The following GRAMD1C variants were observed in gnomAD, a reference collection of about 807,000 sequenced individuals.
The protein encoded by GRAMD1C is GRAM domain containing 1C, also known as protein Aster-C.
Under a neutral mutation model 97.8 loss-of-function variants are expected in GRAMD1C, and 89 were observed. The ratio of observed to expected loss-of-function variants is 0.91; its 90% CI spans 0.77 to 1.09. The LOEUF (loss-of-function observed/expected upper bound fraction) is 1.09, where lower values mean the gene tolerates loss of function less well. GRAMD1C is among the 50% of genes least tolerant of loss of function. The pLI, the probability that GRAMD1C is intolerant of heterozygous loss-of-function variation, is 0.00. For synonymous variants in GRAMD1C, 256 were observed against 267.0 expected (o/e 0.96, Z 0.40); for missense variants, 740 against 766.4 (o/e 0.97, Z 0.41).
At chr3:113,834,630 C>G (rs892841971), upstream of GRAMD1C, among the ~76,000 whole-genome samples, 4 of 151,914 alleles carry the variant, frequency 2.6e-5, no homozygotes, top group Non-Finnish European at 4.4e-5. Flanking sequence ...AACTGAGGAT[C>G]TTTTATATTT....
At position 113,931,739 on chromosome 3, in the gene GRAMD1C, C is replaced by T. The variant is rs183109509; in HGVS notation, c.1209+907C>T. Among the ~76,000 whole-genome samples, 46 of 152,086 alleles carry T rather than the reference C, an allele frequency of 3.0e-4. No individual in the cohort carries two copies. The East Asian group carries it at 4.8e-3, about 16-fold the overall frequency. On this transcript the variant is annotated intron_variant, in intron 11 of 17. Transcript: ENST00000358160. ...AGACCACGAGTTTGAGATCAGACTG[C>T]GCAACACAGTGACACTTTGTCTTTA... is the stretch of plus-strand genomic sequence containing the variant.
chr3:113,837,112 C>A (rs925914181), upstream of GRAMD1C, among the ~76,000 whole-genome samples: 1 of 151,142 alleles, frequency 6.6e-6, no homozygotes, highest in African/African-American at 2.4e-5. Flanking sequence ...TTCCTTCCTT[C>A]CCTCTCTCTC....
chr3:113,896,899 G>C (rs1040988108), intron 6 of GRAMD1C, among the ~76,000 whole-genome samples: 1 of 152,104 alleles, frequency 6.6e-6, no homozygotes, highest in Non-Finnish European at 1.5e-5. Context: ...AAATAAATAG[G>C]AATTAGTAGA....
chr3:113,945,191 A>G (rs991355535), intron 17 of GRAMD1C, among the ~76,000 whole-genome samples: 4 of 152,226 alleles, frequency 2.6e-5, no homozygotes, highest in East Asian at 1.9e-4. Flanking sequence ...AAGAAGTACA[A>G]TACTCCAGCA....
At chr3:113,854,231 G>A (rs1462925269) in intron 2 of GRAMD1C, among the ~76,000 whole-genome samples, 9 of 152,090 alleles carry the variant, frequency 5.9e-5, no homozygotes, top group Middle Eastern at 6.8e-3. Flanking sequence ...CCGAATCTTC[G>A]GGGAGAGATT....
At chr3:113,834,729 T>C (rs1392678589), upstream of GRAMD1C, among the ~76,000 whole-genome samples, 1 of 148,278 alleles carries the variant, frequency 6.7e-6, no homozygotes, top group Non-Finnish European at 1.5e-5. Flanking sequence ...AGGTCAGGAG[T>C]TCGAGACGAG....
intron 15 of GRAMD1C, 59 bp from the exon 16 acceptor site, chr3:113,939,827 C>T: frequency 1.2e-6 from 1 of 855,586 alleles, no homozygotes. Context: ...GTATATTCTG[C>T]ATTAGCAATG....
chr3:113,917,856 C>CTTTTTTTTT (rs71144097), intron 10 of GRAMD1C, among the ~76,000 whole-genome samples: 3 of 41,868 alleles, frequency 7.2e-5, no homozygotes, highest in Non-Finnish European at 1.2e-4. Context: ...CCATGCTTGG[C>CTTTTTTTTT]TTTTTTTTTT....
Position 113,838,888 on chromosome 3 carries a change from C to A in GRAMD1C, c.-22C>A, listed in dbSNP as rs535164066. ...CGGTGCGGTGCGCGCGGGGCGGTGC[C>A]GCGGCGGCGGAGGGAGCCGCGATGG... is the stretch of plus-strand genomic sequence containing the variant. On this transcript the variant is annotated 5_prime_UTR_variant, in exon 1 of 18. Transcript: ENST00000358160. 5 of 1,231,194 alleles carry A rather than the reference C, an allele frequency of 4.1e-6. No individual in the cohort carries two copies. The highest frequency in any genetic ancestry group is 6.4e-5 in the East Asian group (2 of 31,464). The allele number at this position is 1,231,194 out of a possible 1,614,324, so 76.3% of individuals were successfully genotyped here.
chr3:113,933,678 T>C (rs759731765), intron 12 of GRAMD1C, 25 bp downstream of exon 12: 1 of 1,529,390 alleles, frequency 6.5e-7, no homozygotes, highest in African/African-American at 1.4e-5. Context: ...ATGAATGTGT[T>C]AGGATAGGCT....
At chr3:113,849,584 C>T (rs552515675) in intron 2 of GRAMD1C, among the ~76,000 whole-genome samples, 46 of 152,118 alleles carry the variant, frequency 3.0e-4, no homozygotes, top group African/African-American at 1.1e-3. Context: ...GGACACAGCA[C>T]ATGTTTCAGA....
chr3:113,886,721 G>A (rs1691354672), intron 6 of GRAMD1C, among the ~76,000 whole-genome samples: 1 of 147,008 alleles, frequency 6.8e-6, no homozygotes, highest in African/African-American at 2.5e-5. Context: ...ATGAAGTAAA[G>A]AATAGAAAAA....
At chr3:113,869,234 G>T (rs887306350) in intron 2 of GRAMD1C, among the ~76,000 whole-genome samples, 1 of 152,066 alleles carries the variant, frequency 6.6e-6, no homozygotes, top group African/African-American at 2.4e-5. Context: ...TGTATTGTAT[G>T]CCTTTGGTCA....
Position 113,934,504 on chromosome 3 carries a change from G to C in GRAMD1C, c.1425G>C (p.Trp475Cys). 6.4e-7 allele frequency: 1 copy of C among 1,571,760 alleles called. No homozygotes were observed. The highest frequency in any genetic ancestry group is 8.7e-7 in the Non-Finnish European group (1 of 1,148,654). Residue 475 changes from tryptophan to cysteine, a missense_variant, in exon 13 of 18, where the codon TGG becomes TGC. Trp to Cys is a radical substitution (Grantham distance 215, BLOSUM62 -2). Coordinates refer to ENST00000358160, the MANE Select transcript of GRAMD1C (RefSeq NM_017577.5). ...LVKSLIEKNS[W>C]SSLEDYFKQL... is the part of the protein sequence containing the mutation. The stretch of plus-strand genomic sequence containing the variant: ...AATCTTTAATTGAAAAGAATTCCTG[G>C]AGTTCTTTGGAGGACTATTTCAAAC...
chr3:113,850,366 G>C (rs1164674222), intron 2 of GRAMD1C: 1 of 789,660 alleles, frequency 1.3e-6, no homozygotes, highest in Non-Finnish European at 2.3e-6. Flanking sequence ...AGGTATCTCT[G>C]TCGGCTTCCC....
rs1410448659 is a variant in GRAMD1C at position 113,946,044 on chromosome 3, T to C, written c.*566T>C. ...CAAACTTTTTGAATCTGCATGTTGA[T>C]GATGATTATCAGAAAGGGTCTTCTG... On this transcript the variant is annotated 3_prime_UTR_variant, in exon 18 of 18. Transcript: ENST00000358160. 1 of 152,398 alleles carries C rather than the reference T, an allele frequency of 6.6e-6. No individual in the cohort carries two copies. Among genetic ancestry groups the C allele is most frequent in the African/African-American group, 2.4e-5 (1 of 41,468 alleles). 9.4% of individuals were successfully genotyped at this position (152,398 alleles called of 1,614,324 possible). A position where few individuals can be genotyped will look rare whatever the true frequency, so the allele number is the denominator to read the frequency against.
chr3:113,938,905 C>T (rs552765824), intron 15 of GRAMD1C: 1 of 152,138 alleles, frequency 6.6e-6, no homozygotes, highest in Non-Finnish European at 1.5e-5. Context: ...TTATAGATTT[C>T]AGAACATAGA....
At chr3:113,930,515 G>C (rs1937375973) in intron 10 of GRAMD1C, among the ~76,000 whole-genome samples, 199 bp from the exon 11 acceptor site, 2 of 152,186 alleles carry the variant, frequency 1.3e-5, no homozygotes, top group South Asian at 4.2e-4. Context: ...TCAGAGATGG[G>C]GAATATGCCA....
intron 2 of GRAMD1C, among the ~76,000 whole-genome samples, chr3:113,868,451 T>C (rs926461297): frequency 7.2e-5 from 11 of 152,234 alleles, no homozygotes; most frequent in Non-Finnish European, 1.5e-4. Flanking sequence ...TCCCATGGGT[T>C]GTCATTGCTG....
Sources: gnomAD v4.1 joint callset for allele counts (sites outside exome capture counted in the v4.1 genomes callset) on GRCh38, gnomAD v4.1.1 for gene constraint, MANE v1.5 for transcripts, NCBI Gene and HGNC (gene_info 2026-07-23, HGNC 2026-07-21) for gene names.